The following ZNF627 variants were observed in gnomAD, a reference collection of about 807,000 sequenced individuals.
ZNF627 encodes zinc finger protein 627.
ZNF627 carries 12 observed loss-of-function variants against 10.6 expected under a neutral mutation model. The ratio of observed to expected loss-of-function variants is 1.13; its 90% CI spans 0.73 to 1.84. The LOEUF is 1.84. Ranked by LOEUF, ZNF627 falls within the 40% of genes most tolerant of loss-of-function variation. ZNF627 has a pLI of 0.00. For synonymous variants in ZNF627, 176 were observed against 187.1 expected (o/e 0.94, Z 0.48); for missense variants, 504 against 568.4 (o/e 0.89, Z 1.15).
rs756498640 is a variant in ZNF627 at position 11,616,998 on chromosome 19, G to A, written c.495G>A (p.Lys165=). 1.9e-6 allele frequency: 3 copies of A among 1,614,138 alleles called. No homozygotes were observed. In the Admixed American group the frequency reaches 5.0e-5, roughly 27 times the overall value. The stretch of plus-strand genomic sequence containing the variant: ...GTGAAAGGACTCATCCTGGAGGAAA[G>A]CCCTATGATTGTAAGGAATGTGGAG... ...PVRERTHPGG[K]PYDCKECGET... The change falls in exon 4 of 4, where the codon AAG becomes AAA. Residue 165 remains lysine (K), a synonymous_variant. Coordinates refer to ENST00000361113, the MANE Select transcript of ZNF627 (RefSeq NM_145295.4).
At chr19:11,598,611 A>C (rs2145119252) in intron 1 of ZNF627, among the ~76,000 whole-genome samples, 1 of 152,310 alleles carries the variant, frequency 6.6e-6, no homozygotes, top group East Asian at 1.9e-4. Flanking sequence ...TGGCGCTTGC[A>C]AATAATTCTT....
At chr19:11,597,997 A>G (rs563135009) in intron 1 of ZNF627, among the ~76,000 whole-genome samples, 1 of 152,232 alleles carries the variant, frequency 6.6e-6, no homozygotes, top group Non-Finnish European at 1.5e-5. Context: ...ACAGCGGCTC[A>G]TCGATGGAGA....
chr19:11,597,505 C>G lies in ZNF627; in HGVS notation c.-123C>G. 10 of 1,074,660 alleles carry G rather than the reference C, an allele frequency of 9.3e-6. No homozygotes were observed. The highest frequency in any genetic ancestry group is 1.2e-5 in the Non-Finnish European group (10 of 826,694). 66.6% of individuals were successfully genotyped at this position (1,074,660 alleles called of 1,614,324 possible). On this transcript the variant is annotated 5_prime_UTR_variant, in exon 1 of 4. Coordinates refer to ENST00000361113, the MANE Select transcript of ZNF627 (RefSeq NM_145295.4). ...TTTGTTTCTGGCGACCGTCCCCACC[C>G]GGGCTCGCGTCTCCGTTTCTCCGAG...
intron 2 of ZNF627, 24 bp from the exon 3 acceptor site, chr19:11,614,803 G>T: frequency 1.9e-6 from 3 of 1,596,426 alleles, no homozygotes; most frequent in South Asian, 1.1e-5. Context: ...AATTCATAAT[G>T]ACTTTTCTGG....
Position 11,616,485 on chromosome 19 carries a change from T to C in ZNF627, c.192-210T>C, listed in dbSNP as rs144549999. ...AAACATGTGAATCCAAGGCCAGGCA[T>C]GGTGGCTCACGCCTGTAATCCCAGC... On this transcript the variant is annotated intron_variant, in intron 3 of 3. Coordinates refer to ENST00000361113, the MANE Select transcript of ZNF627 (RefSeq NM_145295.4). Among the ~76,000 whole-genome samples, 245 of 152,190 alleles carry C rather than the reference T, an allele frequency of 1.6e-3. 1 individual carries two copies. The highest frequency in any genetic ancestry group is 5.6e-3 in the African/African-American group (231 of 41,520).
At chr19:11,605,585 A>T (rs1973660660) in intron 1 of ZNF627, among the ~76,000 whole-genome samples, 1 of 151,990 alleles carries the variant, frequency 6.6e-6, no homozygotes, top group Non-Finnish European at 1.5e-5. Context: ...CCATTATAAA[A>T]CCAGATCTCA....
chr19:11,599,412 C>T (rs532652407), intron 1 of ZNF627, among the ~76,000 whole-genome samples: 1 of 152,290 alleles, frequency 6.6e-6, no homozygotes, highest in South Asian at 2.1e-4. Flanking sequence ...GATTCTTGCC[C>T]TCTGGATTCT....
Position 11,597,493 on chromosome 19 carries a change from A to T in ZNF627, c.-135A>T. The T allele has an allele frequency of 1.1e-6, 1 of 938,746 alleles. No individual in the cohort carries two copies. The highest frequency in any genetic ancestry group is 1.4e-6 in the Non-Finnish European group (1 of 706,560). 58.2% of individuals were successfully genotyped at this position (938,746 alleles called of 1,614,324 possible). Reference sequence around the variant, plus strand: ...CCCTACGGAGCCTTTGTTTCTGGCGACCGTCCCCACCCGGGCTCGCGTCTC... The same window carrying T: ...CCCTACGGAGCCTTTGTTTCTGGCGTCCGTCCCCACCCGGGCTCGCGTCTC... On this transcript the variant is annotated 5_prime_UTR_variant, in exon 1 of 4. Transcript: ENST00000361113.
rs779326259 is a variant in ZNF627, at chr19:11,617,737, A to C, written c.1234A>C (p.Thr412Pro). ...CAGTTACTTCCGAATCCATGAAAGA[A>C]CTCACACTGGAGAGAAACCCTATGA... is the stretch of plus-strand genomic sequence containing the variant. ...RSSYFRIHER[T>P]HTGEKPYECK... The change falls in exon 4 of 4, where the codon ACT becomes CCT. Residue 412 changes from threonine (T) to proline (P), a missense_variant. By Grantham distance (38) the Thr-to-Pro change is conservative. Transcript: ENST00000361113. The C allele has an allele frequency of 6.2e-7, 1 of 1,613,548 alleles. No individual in the cohort carries two copies. Among genetic ancestry groups the C allele is most frequent in the Non-Finnish European group, 8.5e-7 (1 of 1,179,876 alleles).
At chr19:11,610,796 T>C (rs751907868) in intron 1 of ZNF627, among the ~76,000 whole-genome samples, 7 of 152,208 alleles carry the variant, frequency 4.6e-5, no homozygotes, top group Non-Finnish European at 1.0e-4. Context: ...GATGGGATGC[T>C]TCTTGATTCG....
At chr19:11,612,453 T>TTA (rs1555754497) in intron 1 of ZNF627, among the ~76,000 whole-genome samples, 4 of 56,202 alleles carry the variant, frequency 7.1e-5, no homozygotes, top group African/African-American at 2.9e-4. Context: ...AGACAGAGTC[T>TTA]CACTGTCATC....
chr19:11,616,692 A>G lies in ZNF627; in HGVS notation c.192-3A>G, dbSNP rs780475823. ...ATAATGTACTTCTCATTTTTCTGAC[A>G]AGTCATATTCCAGAGAGACTCTGTG... is the stretch of plus-strand genomic sequence containing the variant. On this transcript the variant is annotated splice_region_variant and splice_polypyrimidine_tract_variant and intron_variant, in intron 3 of 3. Coordinates refer to ENST00000361113, the MANE Select transcript of ZNF627 (RefSeq NM_145295.4). 2.6e-6 allele frequency: 4 copies of G among 1,545,384 alleles called. No homozygotes were observed. In the East Asian group the frequency reaches 6.8e-5, roughly 26 times the overall value.
Position 11,618,700 on chromosome 19 carries a change from A to G in ZNF627, c.*811A>G, listed in dbSNP as rs1478846770. 6.6e-6 allele frequency: 1 copy of G among 152,258 alleles called. No individual in the cohort carries two copies. The highest frequency in any genetic ancestry group is 6.5e-5 in the Admixed American group (1 of 15,276). The allele number at this position is 152,258 out of a possible 1,614,324, so 9.4% of individuals were successfully genotyped here. A position where few individuals can be genotyped will look rare whatever the true frequency, so the allele number is the denominator to read the frequency against. On this transcript the variant is annotated 3_prime_UTR_variant, in exon 4 of 4. Transcript: ENST00000361113. ...GTGAGAATGAGCACTTTCCTCTATC[A>G]GGAAATTTCAAGTGTTTCCTGTTAT...
intron 1 of ZNF627, among the ~76,000 whole-genome samples, chr19:11,602,131 G>C (rs1386977702): frequency 6.6e-6 from 1 of 151,954 alleles, no homozygotes; most frequent in Admixed American, 6.6e-5. Flanking sequence ...GATGCAGGGT[G>C]CAAAATCCCA....
Position 11,614,810 on chromosome 19 carries a change from C to A in ZNF627, c.131-17C>A. The A allele has an allele frequency of 6.3e-7, 1 of 1,598,324 alleles. No individual in the cohort carries two copies. Among genetic ancestry groups the A allele is most frequent in the Non-Finnish European group, 8.5e-7 (1 of 1,174,734 alleles). The stretch of plus-strand genomic sequence containing the variant: ...TTTATACTAATTCATAATGACTTTT[C>A]TGGGTCTAAATTTTAGGAAAACAAT... On this transcript the variant is annotated splice_polypyrimidine_tract_variant and intron_variant, in intron 2 of 3. Transcript: ENST00000361113.
intron 1 of ZNF627, among the ~76,000 whole-genome samples, chr19:11,612,269 C>T (rs375470456): frequency 2.6e-5 from 4 of 151,416 alleles, no homozygotes; most frequent in Non-Finnish European, 5.9e-5. Context: ...TACAGGCGTC[C>T]GCCACCACGC....
At chr19:11,606,268 C>T (rs534050967) in intron 1 of ZNF627, among the ~76,000 whole-genome samples, 46 of 151,378 alleles carry the variant, frequency 3.0e-4, no homozygotes, top group African/African-American at 9.9e-4. Flanking sequence ...TCCCAGAAGG[C>T]GGAGGTTCCA....
At chr19:11,601,810 A>T (rs867251672) in intron 1 of ZNF627, among the ~76,000 whole-genome samples, 1 of 151,892 alleles carries the variant, frequency 6.6e-6, no homozygotes, top group Non-Finnish European at 1.5e-5. Flanking sequence ...GTTTGAGACC[A>T]GCCTGACCAA....
chr19:11,608,509 G>C lies in ZNF627; in HGVS notation c.4-6018G>C, dbSNP rs986011329. Among the ~76,000 whole-genome samples, 3 of 152,070 alleles carry C rather than the reference G, an allele frequency of 2.0e-5. No individual in the cohort carries two copies. In the South Asian group the frequency reaches 6.2e-4, roughly 32 times the overall value. ...TTTAAAGATTTATCTTTTTGTCAGT[G>C]TATATTTTACATGAGACAAAAGCTA... On this transcript the variant is annotated intron_variant, in intron 1 of 3. Transcript: ENST00000361113.
Sources: gnomAD v4.1 joint callset for allele counts (sites outside exome capture counted in the v4.1 genomes callset) on GRCh38, gnomAD v4.1.1 for gene constraint, MANE v1.5 for transcripts, NCBI Gene and HGNC (gene_info 2026-07-23, HGNC 2026-07-21) for gene names.